Variants in LUZP2 observed in about 807,000 individuals in gnomAD.
LUZP2 encodes the protein leucine zipper protein 2.
LUZP2 carries 52 observed loss-of-function variants against 51.6 expected under a neutral mutation model. The ratio of observed to expected loss-of-function variants is 1.01; its 90% CI spans 0.81 to 1.27. The LOEUF is 1.27. Among genes scored for constraint, LUZP2 ranks in the 50% most tolerant of loss-of-function variants. The pLI, the probability that LUZP2 is intolerant of heterozygous loss-of-function variation, is 0.00. For synonymous variants in LUZP2, 154 were observed against 137.3 expected, an observed-to-expected ratio of 1.12 and a Z score of -0.85; for missense variants, 436 against 395.4, an observed-to-expected ratio of 1.10 and a Z score of -0.87.
chr11:24,918,602 A>G (rs992786915), intron 7 of LUZP2, among the ~76,000 whole-genome samples: 6 of 151,672 alleles, frequency 4.0e-5, no homozygotes, highest in African/African-American at 1.2e-4. Flanking sequence ...CACAGCCAAA[A>G]TCATGCTTTT....
At chr11:24,693,622 T>G (rs572213796) in intron 1 of LUZP2, among the ~76,000 whole-genome samples, 13 of 152,088 alleles carry the variant, frequency 8.5e-5, no homozygotes, top group African/African-American at 2.9e-4. Flanking sequence ...AAAGAAACTA[T>G]GCACTTCATT....
At chr11:25,032,062 T>C (rs1301715041) in intron 9 of LUZP2, among the ~76,000 whole-genome samples, 1 of 152,154 alleles carries the variant, frequency 6.6e-6, no homozygotes, top group Non-Finnish European at 1.5e-5. Flanking sequence ...AGGGTTACAA[T>C]GATGCTGGGT....
In LUZP2 at chr11:24,750,197, C is replaced by A. The variant is rs112437765; in HGVS notation, c.333+11895C>A. 6.4e-4 allele frequency among the ~76,000 whole-genome samples: 97 copies of A among 152,214 alleles called. 1 individual carries two copies. Among genetic ancestry groups the A allele is most frequent in the African/African-American group, 1.9e-3 (80 of 41,552 alleles). ...TCCCTTTCTTACCCAGATGAATGCC[C>A]ACTCTTTTACTTAATACTGGGGCAT... On this transcript the variant is annotated intron_variant, in intron 4 of 11. Transcript: ENST00000336930.
intron 1 of LUZP2, among the ~76,000 whole-genome samples, chr11:24,694,710 G>A (rs1224718210): frequency 1.3e-5 from 2 of 152,036 alleles, no homozygotes; most frequent in Admixed American, 6.6e-5. Flanking sequence ...AGAAAAGGTG[G>A]CATATATACA....
intron 4 of LUZP2, among the ~76,000 whole-genome samples, chr11:24,741,541 T>A (rs1234401399): frequency 1.3e-5 from 2 of 151,796 alleles, no homozygotes; most frequent in Admixed American, 1.3e-4. Flanking sequence ...GCATCCTATT[T>A]GTAGTCTTTT....
At chr11:24,556,258 TGAA>T (rs755375140) in intron 1 of LUZP2, among the ~76,000 whole-genome samples, 65 of 152,298 alleles carry the variant, frequency 4.3e-4, no homozygotes, top group Admixed American at 9.2e-4. Context: ...GAAAGTTTTG[TGAA>T]GAACTATGCC....
intron 9 of LUZP2, among the ~76,000 whole-genome samples, chr11:25,017,998 C>G (rs1312986939): frequency 6.8e-6 from 1 of 147,704 alleles, no homozygotes; most frequent in Non-Finnish European, 1.5e-5. Flanking sequence ...TTTGTACCTT[C>G]TTGATTAAGT....
At chr11:24,921,716 A>T (rs981343193) in intron 7 of LUZP2, among the ~76,000 whole-genome samples, 1 of 152,186 alleles carries the variant, frequency 6.6e-6, no homozygotes, top group Admixed American at 6.5e-5. Flanking sequence ...ATTAAAACAT[A>T]TACAGGAAGA....
chr11:24,974,853 A>C (rs936140009), intron 7 of LUZP2, among the ~76,000 whole-genome samples: 7 of 152,072 alleles, frequency 4.6e-5, no homozygotes, highest in African/African-American at 1.7e-4. Context: ...TAGGAAAGAA[A>C]GATTGAGAAG....
At chr11:24,633,964 GTA>G (rs1554966093) in intron 1 of LUZP2, among the ~76,000 whole-genome samples, 28 of 149,244 alleles carry the variant, frequency 1.9e-4, no homozygotes, top group African/African-American at 4.4e-4. Context: ...GTGTGTGTGT[GTA>G]TATATAGTCT....
At chr11:24,660,787 T>G (rs2133981835) in intron 1 of LUZP2, among the ~76,000 whole-genome samples, 1 of 152,184 alleles carries the variant, frequency 6.6e-6, no homozygotes, top group African/African-American at 2.4e-5. Flanking sequence ...ATTAGGTGAT[T>G]TTTCCAAACC....
chr11:24,670,545 T>C (rs1856371082), intron 1 of LUZP2, among the ~76,000 whole-genome samples: 2 of 152,054 alleles, frequency 1.3e-5, no homozygotes, highest in African/African-American at 4.8e-5. Context: ...GCCAAATTGC[T>C]GCCTTAGAGT....
At chr11:24,533,623 T>C (rs1207104906) in intron 1 of LUZP2, among the ~76,000 whole-genome samples, 3 of 151,276 alleles carry the variant, frequency 2.0e-5, no homozygotes, top group African/African-American at 7.3e-5. Flanking sequence ...CCTTGCTACT[T>C]CTGTTATATA....
At chr11:24,925,183 A>T (rs1251528052) in intron 7 of LUZP2, among the ~76,000 whole-genome samples, 1 of 152,192 alleles carries the variant, frequency 6.6e-6, no homozygotes, top group Non-Finnish European at 1.5e-5. Context: ...TGCTACAAAG[A>T]GTCTGCTTTG....
intron 1 of LUZP2, among the ~76,000 whole-genome samples, chr11:24,559,810 G>A (rs905954390): frequency 2.0e-5 from 3 of 152,138 alleles, no homozygotes; most frequent in African/African-American, 4.8e-5. Context: ...TATAGAAAGG[G>A]ATAAACATTT....
At chr11:24,905,853 T>C (rs1853435664) in intron 5 of LUZP2, 138 bp from the exon 6 acceptor site, 2 of 542,870 alleles carry the variant, frequency 3.7e-6, no homozygotes, top group African/African-American at 3.8e-5. Context: ...TTTGATTCAG[T>C]TTTACACCAA....
intron 7 of LUZP2, among the ~76,000 whole-genome samples, chr11:24,966,864 ATG>A (rs1855598799): frequency 6.8e-6 from 1 of 147,568 alleles, no homozygotes; most frequent in Non-Finnish European, 1.5e-5. Context: ...TACATATATA[ATG>A]TGTGTGCATG....
intron 7 of LUZP2, among the ~76,000 whole-genome samples, chr11:24,925,180 A>G (rs1216093364): frequency 6.6e-6 from 1 of 152,200 alleles, no homozygotes; most frequent in Admixed American, 6.5e-5. Flanking sequence ...TATTGCTACA[A>G]AGAGTCTGCT....
chr11:24,569,106 A>G (rs2133795131), intron 1 of LUZP2, among the ~76,000 whole-genome samples: 1 of 152,236 alleles, frequency 6.6e-6, no homozygotes, highest in Middle Eastern at 3.4e-3. Flanking sequence ...GTTAAATGTC[A>G]TATTAAAAGA....
Sources: allele counts gnomAD v4.1 joint callset (sites outside exome capture counted in the v4.1 genomes callset), GRCh38; gene constraint gnomAD v4.1.1; transcripts MANE v1.5; gene names NCBI Gene and HGNC (gene_info 2026-07-23, HGNC 2026-07-21).